Variants in PRKAB1 observed in about 807,000 individuals in gnomAD.
PRKAB1 encodes the protein protein kinase AMP-activated non-catalytic subunit beta 1.
A neutral mutation model predicts 32.0 loss-of-function variants in PRKAB1; 18 were observed. The ratio of observed to expected loss-of-function variants is 0.56; its 90% CI spans 0.39 to 0.83. PRKAB1 has a LOEUF of 0.83. PRKAB1 is among the 40% of genes least tolerant of loss of function. The pLI is 0.00. For synonymous variants in PRKAB1, 141 were observed against 141.4 expected (o/e 1.00, Z 0.02); for missense variants, 263 against 352.6 (o/e 0.75, Z 2.03).
In PRKAB1 at chr12:119,672,395, C is replaced by G; in HGVS notation, c.254C>G (p.Thr85Arg). The change falls in exon 2 of 7, where the codon ACG becomes AGG. Residue 85 changes from threonine (T) to arginine (R), a missense_variant. Thr to Arg is a moderately conservative substitution (Grantham distance 71). Coordinates refer to ENST00000229328, the MANE Select transcript of PRKAB1 (RefSeq NM_006253.5). ...AQARPTVFRW[T>R]GGGKEVYLSG... ...GCTCGGCCAACGGTGTTTCGATGGA[C>G]GGGGGGCGGAAAGGAAGTTTACTTA... 6.2e-7 allele frequency: 1 copy of G among 1,611,364 alleles called. No homozygotes were observed. The highest frequency in any genetic ancestry group is 8.5e-7 in the Non-Finnish European group (1 of 1,178,774).
At position 119,675,754 on chromosome 12, in the gene PRKAB1, G is replaced by A. The variant is rs79397084; in HGVS notation, c.533-783G>A. Among the ~76,000 whole-genome samples the A allele has an allele frequency of 6.5e-3, 993 of 152,296 alleles. 6 individuals are homozygous for A. The highest frequency in any genetic ancestry group is 0.022 in the African/African-American group (930 of 41,562). ...GTCACATAAACGGGGCTTGTCCCCT[G>A]AAAAATGACATTGAGGGAATTGGCA... On this transcript the variant is annotated intron_variant, in intron 4 of 6. Coordinates refer to ENST00000229328, the MANE Select transcript of PRKAB1 (RefSeq NM_006253.5).
chr12:119,668,100 C>G (rs1286775078), upstream of PRKAB1: 4 of 1,068,266 alleles, frequency 3.7e-6, no homozygotes, highest in Non-Finnish European at 5.0e-6. Context: ...GGAACCGGCT[C>G]CCGGCCCGAG....
chr12:119,680,165 TA>T (rs1314456923), intron 6 of PRKAB1, 82 bp from the exon 7 acceptor site: 2 of 1,515,734 alleles, frequency 1.3e-6, no homozygotes, highest in East Asian at 4.6e-5. Flanking sequence ...TTTGTGGTTT[TA>T]TGAAGCCCTT....
intron 1 of PRKAB1, 131 bp downstream of exon 1, chr12:119,668,534 T>TTAA: frequency 7.9e-7 from 1 of 1,265,164 alleles, no homozygotes; most frequent in Non-Finnish European, 1.1e-6. Context: ...CCCGGTGCAC[T>TTAA]TAAAAGCCAG....
chr12:119,669,418 C>T (rs1955368972), intron 1 of PRKAB1: 1 of 151,124 alleles, frequency 6.6e-6, no homozygotes, highest in South Asian at 2.1e-4. Flanking sequence ...CAGGCACCCG[C>T]CACCACGCCC....
intron 1 of PRKAB1, chr12:119,671,610 C>G (rs539992323): frequency 3.4e-6 from 1 of 293,242 alleles, no homozygotes; most frequent in African/African-American, 2.2e-5. Flanking sequence ...CCCCCATGAT[C>G]GATACCTCCA....
chr12:119,670,168 G>A (rs1196635693), intron 1 of PRKAB1, among the ~76,000 whole-genome samples: 2 of 152,202 alleles, frequency 1.3e-5, no homozygotes, highest in Non-Finnish European at 2.9e-5. Flanking sequence ...AGGACACTTA[G>A]TGATTCTGGC....
intron 5 of PRKAB1, 55 bp downstream of exon 5, chr12:119,676,725 T>C: frequency 6.3e-7 from 1 of 1,581,674 alleles, no homozygotes; most frequent in Non-Finnish European, 8.6e-7. Context: ...TTCAGTTGCT[T>C]TCTTTCCTGT....
In PRKAB1 at chr12:119,674,391, A is replaced by G; in HGVS notation, c.469A>G (p.Lys157Glu). Residue 157 changes from lysine (K) to glutamate (E), a missense_variant, in exon 4 of 7, where the codon AAA (lysine) becomes GAA (glutamate). Physicochemically the swap from Lys to Glu is moderately conservative, Grantham distance 56. Coordinates refer to ENST00000229328, the MANE Select transcript of PRKAB1 (RefSeq NM_006253.5). The surrounding 1 kb of genome is among the most constrained non-coding windows in gnomAD (Gnocchi z 4.3). ...AGTTAACAACATCATTCAAGTGAAGAAAACTGACTTTGAAGTATTTGATGC... is the reference window on the plus strand; with the variant it reads ...AGTTAACAACATCATTCAAGTGAAGGAAACTGACTTTGAAGTATTTGATGC... ...GTVNNIIQVK[K>E]TDFEVFDALM... 1 of 1,614,264 alleles carries G rather than the reference A, an allele frequency of 6.2e-7. No individual in the cohort carries two copies. Among genetic ancestry groups the G allele is most frequent in the Non-Finnish European group, 8.5e-7 (1 of 1,180,038 alleles).
At chr12:119,672,574 G>A (rs1955396251) in intron 2 of PRKAB1, 110 bp downstream of exon 2, 1 of 1,232,548 alleles carries the variant, frequency 8.1e-7, no homozygotes, top group Non-Finnish European at 1.1e-6. Flanking sequence ...TGGATGCCTA[G>A]TGGAAAAATA....
chr12:119,676,399 C>T, intron 4 of PRKAB1, 138 bp from the exon 5 acceptor site: 1 of 1,102,824 alleles, frequency 9.1e-7, no homozygotes, highest in South Asian at 1.7e-5. Flanking sequence ...ACTCTTGGAA[C>T]CAGTGCATCC....
chr12:119,680,678 A>G lies in PRKAB1; in HGVS notation c.*353A>G. 4.2e-6 allele frequency: 1 copy of G among 235,890 alleles called. No individual in the cohort carries two copies. The highest frequency in any genetic ancestry group is 8.4e-6 in the Non-Finnish European group (1 of 119,288). The allele number at this position is 235,890 out of a possible 1,614,324, so 14.6% of individuals were successfully genotyped here. A position where few individuals can be genotyped will look rare whatever the true frequency, so the allele number is the denominator to read the frequency against. Reference sequence around the variant, plus strand: ...TTTTCTTAAGCCAAAAATGAATGCTAACTCCTTTGCCAGTAAAATTCTGGG... The same window carrying G: ...TTTTCTTAAGCCAAAAATGAATGCTGACTCCTTTGCCAGTAAAATTCTGGG... On this transcript the variant is annotated 3_prime_UTR_variant, in exon 7 of 7. Coordinates refer to ENST00000229328, the MANE Select transcript of PRKAB1 (RefSeq NM_006253.5).
rs1479495781 is a variant in PRKAB1, at chr12:119,680,563, C to T, written c.*238C>T. 5.6e-6 allele frequency: 3 copies of T among 532,702 alleles called. No individual in the cohort carries two copies. The East Asian group carries it at 9.0e-5, about 16-fold the overall frequency. The allele number at this position is 532,702 out of a possible 1,614,324, so 33.0% of individuals were successfully genotyped here. A position where few individuals can be genotyped will look rare whatever the true frequency, so the allele number is the denominator to read the frequency against. ...TTTGAGCCTCGGGGACTCATCAAGTCCAAGAAAAGAGGGAGGGGTGGCAGA... is the reference window on the plus strand; with the variant it reads ...TTTGAGCCTCGGGGACTCATCAAGTTCAAGAAAAGAGGGAGGGGTGGCAGA... On this transcript the variant is annotated 3_prime_UTR_variant, in exon 7 of 7. Transcript: ENST00000229328.
At chr12:119,676,267 T>C (rs1430916695) in intron 4 of PRKAB1, among the ~76,000 whole-genome samples, 1 of 152,172 alleles carries the variant, frequency 6.6e-6, no homozygotes, top group African/African-American at 2.4e-5. Context: ...AATAGCCTCC[T>C]TGTGATCTGA....
At chr12:119,670,503 T>G (rs1374717317) in intron 1 of PRKAB1, among the ~76,000 whole-genome samples, 1 of 152,240 alleles carries the variant, frequency 6.6e-6, no homozygotes, top group African/African-American at 2.4e-5. Flanking sequence ...CAAAGTGAAC[T>G]TTAGAATCAT....
chr12:119,676,795 T>G, intron 5 of PRKAB1, 125 bp downstream of exon 5: 1 of 1,287,082 alleles, frequency 7.8e-7, no homozygotes, highest in Non-Finnish European at 1.1e-6. Flanking sequence ...GTGTGAACTG[T>G]GCCGTTCACC....
At position 119,673,978 on chromosome 12, in the gene PRKAB1, T is replaced by C; in HGVS notation, c.338T>C (p.Val113Ala). ...LPLTRSHNNF[V>A]AILDLPEGEH... ...TTTCCTTGCAGCCACAATAACTTTG[T>C]AGCCATCCTGGATCTGCCGGAAGGA... is the stretch of plus-strand genomic sequence containing the variant. Residue 113 changes from valine (V) to alanine (A), a missense_variant, in exon 3 of 7, where the codon GTA becomes GCA. By Grantham distance (64) the Val-to-Ala change is moderately conservative. Transcript: ENST00000229328. 1 of 1,613,644 alleles carries C rather than the reference T, an allele frequency of 6.2e-7. No individual in the cohort carries two copies. Among genetic ancestry groups the C allele is most frequent in the South Asian group, 1.1e-5 (1 of 91,000 alleles).
Position 119,681,543 on chromosome 12 carries a change from CCT to C in PRKAB1, c.*1219_*1220del, listed in dbSNP as rs1026592965. 4 of 151,966 alleles carry C rather than the reference CCT, an allele frequency of 2.6e-5. No homozygotes were observed. The highest frequency in any genetic ancestry group is 9.7e-5 in the African/African-American group (4 of 41,354). The allele number at this position is 151,966 out of a possible 1,614,324, so 9.4% of individuals were successfully genotyped here. The stretch of plus-strand genomic sequence containing the variant: ...TTGGTATACCTGAGTTTGGGGGTAC[CCT>C]TTTTTGTGACTTTTCAAAACAGTGA... On this transcript the variant is annotated 3_prime_UTR_variant, in exon 7 of 7. Coordinates refer to ENST00000229328, the MANE Select transcript of PRKAB1 (RefSeq NM_006253.5).
rs1314771459 is a variant in PRKAB1 at position 119,680,350 on chromosome 12, AG to A, written c.*27del. ...AAGAGCTGGGGGCGGATGGTGGCCC[AG>A]GAGACAGCACACCACCAGGCTCCAC... On this transcript the variant is annotated 3_prime_UTR_variant, in exon 7 of 7. Coordinates refer to ENST00000229328, the MANE Select transcript of PRKAB1 (RefSeq NM_006253.5). 1.1e-5 allele frequency: 17 copies of A among 1,590,672 alleles called. No homozygotes were observed. Among genetic ancestry groups the A allele is most frequent in the Non-Finnish European group, 1.5e-5 (17 of 1,159,136 alleles).
Sources: allele counts gnomAD v4.1 joint callset (sites outside exome capture counted in the v4.1 genomes callset), GRCh38; gene constraint gnomAD v4.1.1; non-coding constraint Gnocchi (gnomAD v3.1); transcripts MANE v1.5; gene names NCBI Gene and HGNC (gene_info 2026-07-23, HGNC 2026-07-21).